The following LBH variants were observed in gnomAD, a reference collection of about 807,000 sequenced individuals.
The protein encoded by LBH is LBH regulator of Wnt signaling pathway.
LBH carries 7 observed loss-of-function variants against 12.5 expected under a neutral mutation model. The ratio of observed to expected loss-of-function variants is 0.56; its 90% CI spans 0.32 to 1.05. The LOEUF (loss-of-function observed/expected upper bound fraction) is 1.05. LBH is among the 50% of genes least tolerant of loss of function. The probability of loss-of-function intolerance (pLI) is 0.04; values close to 1 mark genes in which losing one functional copy is unlikely to be tolerated. For synonymous variants in LBH, 51 were observed against 50.1 expected (o/e 1.02, Z -0.08); for missense variants, 119 against 138.9 (o/e 0.86, Z 0.72).
chr2:30,244,244 C>T (rs79766445), intron 2 of LBH, among the ~76,000 whole-genome samples: 184 of 152,198 alleles, frequency 1.2e-3, no homozygotes, highest in African/African-American at 3.6e-3. Context: ...ATGTGCCCCT[C>T]GGGTATGGCA....
chr2:30,232,551 A>C, intron 1 of LBH: 26 of 176,572 alleles, frequency 1.5e-4, no homozygotes, highest in East Asian at 4.2e-4. Flanking sequence ...TTAGAGGAGA[A>C]GCGGCCGGGG....
In LBH at chr2:30,249,693, G is replaced by A. The variant is rs563430944; in HGVS notation, c.130-7740G>A. ...GATTTGTGGGCACAAGCCCAGGAGTGCTGCGTATTTGCTCCTGTCCCAAGC... is the reference window on the plus strand; with the variant it reads ...GATTTGTGGGCACAAGCCCAGGAGTACTGCGTATTTGCTCCTGTCCCAAGC... On this transcript the variant is annotated intron_variant, in intron 2 of 2. Transcript: ENST00000395323. 9.0e-4 allele frequency among the ~76,000 whole-genome samples: 137 copies of A among 152,354 alleles called. 2 individuals are homozygous for A. Among genetic ancestry groups the A allele is most frequent in the Middle Eastern group, 3.4e-3 (1 of 294 alleles).
At chr2:30,239,660 C>G (rs1677753101) in intron 2 of LBH, among the ~76,000 whole-genome samples, 1 of 152,084 alleles carries the variant, frequency 6.6e-6, no homozygotes, top group African/African-American at 2.4e-5. Flanking sequence ...CCCTACTCCC[C>G]CCACCCGCCT....
chr2:30,234,534 CT>C (rs1558385026), intron 2 of LBH, 27 bp downstream of exon 2: 1 of 1,537,766 alleles, frequency 6.5e-7, no homozygotes, highest in Non-Finnish European at 9.0e-7. Context: ...TCCCCTCTGA[CT>C]CTCTAGAGCC....
chr2:30,232,026 C>A, intron 1 of LBH: 4 of 1,269,758 alleles, frequency 3.2e-6, no homozygotes, highest in African/African-American at 3.0e-5. Context: ...TATTGGTTGG[C>A]GGGGGAGCCA....
chr2:30,256,612 G>A (rs549365006), intron 2 of LBH: 5 of 152,120 alleles, frequency 3.3e-5, no homozygotes, highest in African/African-American at 1.2e-4. Context: ...CCGCCTCCCG[G>A]GTTCACACCA....
intron 2 of LBH, among the ~76,000 whole-genome samples, chr2:30,239,842 G>A (rs1677757130): frequency 6.6e-6 from 1 of 152,152 alleles, no homozygotes; most frequent in Non-Finnish European, 1.5e-5. Context: ...TCTGTATGAG[G>A]ATCCAGCACC....
intron 2 of LBH, among the ~76,000 whole-genome samples, chr2:30,249,051 A>ACGATTAGT (rs1316588278): frequency 0.044 from 6,658 of 152,072 alleles, 495 homozygotes; most frequent in African/African-American, 0.15. Context: ...TCCAGGGGAG[A>ACGATTAGT]TTTAAGGAAG....
chr2:30,241,698 A>G (rs1391949514), intron 2 of LBH, among the ~76,000 whole-genome samples: 1 of 152,056 alleles, frequency 6.6e-6, no homozygotes, highest in African/African-American at 2.4e-5. Context: ...CCTGACCTCA[A>G]GTGATCCTCC....
chr2:30,247,664 C>T (rs1044454906), intron 2 of LBH, among the ~76,000 whole-genome samples: 11 of 152,204 alleles, frequency 7.2e-5, no homozygotes, highest in African/African-American at 9.6e-5. Context: ...GTTGTACTTC[C>T]GTCAGCAGCA....
intron 1 of LBH, chr2:30,232,321 C>G: frequency 7.6e-7 from 1 of 1,321,966 alleles, no homozygotes; most frequent in Admixed American, 2.8e-5. Flanking sequence ...CCTCTCAACC[C>G]CTGCCCTCTC....
intron 2 of LBH, 32 bp from the exon 3 acceptor site, chr2:30,257,401 G>A (rs772016674): frequency 4.3e-5 from 70 of 1,611,060 alleles, no homozygotes; most frequent in Non-Finnish European, 5.7e-5. Flanking sequence ...AAATATCTAC[G>A]TGACCAGGCA....
rs552430919 is a variant in LBH, at chr2:30,232,115, G to C, written c.26+351G>C. ...GAGGCGCGCGCCCCACTTGGCGCAG[G>C]GGGGCTCCTGCTCTTCCCGGGCCCC... is the stretch of plus-strand genomic sequence containing the variant. On this transcript the variant is annotated intron_variant, in intron 1 of 2. Transcript: ENST00000395323. The C allele has an allele frequency of 7.9e-3, 12,222 of 1,544,044 alleles. 112 individuals are homozygous for C. The highest frequency in any genetic ancestry group is 0.037 in the Middle Eastern group (215 of 5,744).
chr2:30,237,594 C>G (rs926434935), intron 2 of LBH, among the ~76,000 whole-genome samples: 4 of 152,146 alleles, frequency 2.6e-5, no homozygotes, highest in African/African-American at 9.7e-5. Context: ...GATTCTAAAG[C>G]TGGTCACCTT....
chr2:30,231,562 T>G lies in LBH; in HGVS notation c.-177T>G. On this transcript the variant is annotated 5_prime_UTR_variant, in exon 1 of 3. Coordinates refer to ENST00000395323, the MANE Select transcript of LBH (RefSeq NM_030915.4). ...GAGTGCTCAGTGGAGAGCGGGGAGT[T>G]GTGTCCACCTTGCCGACGTCGCTAG... The G allele has an allele frequency of 1.6e-6, 1 of 628,810 alleles. No homozygotes were observed. Among genetic ancestry groups the G allele is most frequent in the Middle Eastern group, 3.9e-4 (1 of 2,596 alleles). The allele number at this position is 628,810 out of a possible 1,614,324, so 39.0% of individuals were successfully genotyped here.
At chr2:30,241,456 CTTTCTTT>C (rs1288022946) in intron 2 of LBH, among the ~76,000 whole-genome samples, 1 of 139,014 alleles carries the variant, frequency 7.2e-6, no homozygotes, top group African/African-American at 2.5e-5. Context: ...TATTTTCTTT[CTTTCTTT>C]TTTTTTTTTT....
chr2:30,234,224 G>A, intron 1 of LBH, 181 bp from the exon 2 acceptor site: 1 of 590,884 alleles, frequency 1.7e-6, no homozygotes. Context: ...GCTGAGCCCT[G>A]GGGCTGTGGG....
intron 2 of LBH, among the ~76,000 whole-genome samples, chr2:30,248,963 C>T (rs1677924418): frequency 2.0e-5 from 3 of 150,804 alleles, no homozygotes; most frequent in Non-Finnish European, 1.5e-5. Flanking sequence ...AGCCCCAAAT[C>T]TTTGCTTAAG....
chr2:30,256,048 G>A (rs1158001752), intron 2 of LBH, among the ~76,000 whole-genome samples: 1 of 152,210 alleles, frequency 6.6e-6, no homozygotes, highest in African/African-American at 2.4e-5. Flanking sequence ...CCCAGACAGA[G>A]GCTTCTCTCT....
Sources: gnomAD v4.1 joint callset for allele counts (sites outside exome capture counted in the v4.1 genomes callset) on GRCh38, gnomAD v4.1.1 for gene constraint, MANE v1.5 for transcripts, NCBI Gene and HGNC (gene_info 2026-07-23, HGNC 2026-07-21) for gene names.